Variants in CFTR observed in about 807,000 individuals in gnomAD.
CFTR encodes cystic fibrosis transmembrane conductance regulator.
A neutral mutation model predicts 171.6 loss-of-function variants in CFTR; 181 were observed. The ratio of observed to expected loss-of-function variants is 1.05; its 90% confidence interval spans 0.93 to 1.19. The LOEUF is 1.19. Ranked by LOEUF, CFTR falls within the 50% of genes most tolerant of loss-of-function variation. CFTR has a pLI of 0.00. For missense variants in CFTR, 1,968 were observed against 1,734.7 expected, an observed-to-expected ratio of 1.13 and a Z score of -2.39; for synonymous variants, 583 against 608.0, an observed-to-expected ratio of 0.96 and a Z score of 0.60.
intron 21 of CFTR, among the ~76,000 whole-genome samples, chr7:117,626,524 T>C (rs989427785): frequency 6.6e-6 from 1 of 152,104 alleles, no homozygotes; most frequent in African/African-American, 2.4e-5. Context: ...AGCAGTAAAA[T>C]TGTGTCTAAT....
At chr7:117,535,525 ATTTTTTTTTTTT>A in intron 6 of CFTR, 114 bp downstream of exon 6, 2 of 499,760 alleles carry the variant, frequency 4.0e-6, no homozygotes, top group Non-Finnish European at 3.4e-6. Context: ...GTGTCATTAA[ATTTTTTTTTTTT>A]TTTTTTTTTT....
At chr7:117,599,004 G>A (rs1792180059) in intron 15 of CFTR, among the ~76,000 whole-genome samples, 1 of 151,910 alleles carries the variant, frequency 6.6e-6, no homozygotes, top group Non-Finnish European at 1.5e-5. Flanking sequence ...AGGTGAACAA[G>A]TTCATAACAG....
intron 3 of CFTR, among the ~76,000 whole-genome samples, chr7:117,521,738 ACAAC>A (rs1798689254): frequency 6.6e-6 from 1 of 152,192 alleles, no homozygotes. Flanking sequence ...CTACTTAGAA[ACAAC>A]CCTGCTTTGG....
chr7:117,492,726 C>T (rs185876017), intron 1 of CFTR, among the ~76,000 whole-genome samples: 2 of 151,870 alleles, frequency 1.3e-5, no homozygotes, highest in East Asian at 1.9e-4. Flanking sequence ...AAACATGGGG[C>T]GTTGGCAGAC....
rs919906550 is a variant in CFTR, at chr7:117,616,043, A to C, written c.3468+1330A>C. Among the ~76,000 whole-genome samples, 4 of 152,088 alleles carry C rather than the reference A, an allele frequency of 2.6e-5. No homozygotes were observed. In the East Asian group the frequency reaches 7.7e-4, roughly 29 times the overall value. ...CCAAACCACACACATTTATTCAGCT[A>C]TAAAATTTGTATGATCAACTCCTGT... On this transcript the variant is annotated intron_variant, in intron 21 of 26. Transcript: ENST00000003084.
intron 21 of CFTR, among the ~76,000 whole-genome samples, chr7:117,615,838 T>C (rs1355659107): frequency 6.6e-6 from 1 of 152,048 alleles, no homozygotes; most frequent in Non-Finnish European, 1.5e-5. Context: ...AGCTTCATCA[T>C]TGAATTTTTA....
At chr7:117,659,974 C>A (rs1373402267) in intron 24 of CFTR, among the ~76,000 whole-genome samples, 1 of 151,798 alleles carries the variant, frequency 6.6e-6, no homozygotes, top group African/African-American at 2.4e-5. Context: ...TAATAACATT[C>A]CAGAATACAG....
At chr7:117,645,016 G>A (rs10156138) in intron 23 of CFTR, among the ~76,000 whole-genome samples, 2,169 of 152,298 alleles carry the variant, frequency 0.014, 36 homozygotes, top group African/African-American at 0.031. Context: ...TTTGAAAGGT[G>A]ACAAACTATT....
At chr7:117,563,092 G>A (rs1038592686) in intron 11 of CFTR, among the ~76,000 whole-genome samples, 1 of 152,126 alleles carries the variant, frequency 6.6e-6, no homozygotes, top group African/African-American at 2.4e-5. Flanking sequence ...AATTAAGGTG[G>A]ACGTGATTAG....
intron 18 of CFTR, among the ~76,000 whole-genome samples, chr7:117,607,100 C>G (rs1012754639): frequency 6.6e-6 from 1 of 152,020 alleles, no homozygotes; most frequent in Non-Finnish European, 1.5e-5. Context: ...AAGCCAACCT[C>G]CCCCCAAAAG....
intron 11 of CFTR, among the ~76,000 whole-genome samples, chr7:117,562,553 A>G (rs549506079): frequency 1.3e-5 from 2 of 152,286 alleles, no homozygotes; most frequent in East Asian, 3.9e-4. Context: ...TTGGGAAGTG[A>G]TTCCACTTTA....
chr7:117,500,806 G>A (rs926556870), intron 1 of CFTR, among the ~76,000 whole-genome samples: 8 of 152,074 alleles, frequency 5.3e-5, no homozygotes, highest in African/African-American at 1.9e-4. Flanking sequence ...AATTATAGAT[G>A]GTGAACTTAA....
rs747515655 is a variant in CFTR at position 117,536,658 on chromosome 7, T to C, written c.854T>C (p.Ile285Thr). 4 of 1,611,556 alleles carry C rather than the reference T, an allele frequency of 2.5e-6. No individual in the cohort carries two copies. The highest frequency in any genetic ancestry group is 2.2e-5 in the South Asian group (2 of 91,006). Residue 285 changes from isoleucine (I) to threonine (T), a missense_variant, in exon 7 of 27, where the codon ATT becomes ACT. Ile to Thr is a moderately conservative substitution (Grantham distance 89). Coordinates refer to ENST00000003084, the MANE Select transcript of CFTR (RefSeq NM_000492.4). ...TGGGAAGAAGCAATGGAAAAAATGA[T>C]TGAAAACTTAAGACAGTAAGTTGTT... Reference protein sequence around the residue: ...YCWEEAMEKMIENLRQTELKL... With the variant: ...YCWEEAMEKMTENLRQTELKL...
intron 21 of CFTR, among the ~76,000 whole-genome samples, chr7:117,616,775 C>T (rs1792498599): frequency 6.6e-6 from 1 of 151,986 alleles, no homozygotes; most frequent in Non-Finnish European, 1.5e-5. Flanking sequence ...TGCATTTGAT[C>T]ACATTTAAAA....
At chr7:117,503,708 A>T (rs1005113940) in intron 1 of CFTR, among the ~76,000 whole-genome samples, 1 of 152,216 alleles carries the variant, frequency 6.6e-6, no homozygotes, top group African/African-American at 2.4e-5. Flanking sequence ...TTCAGACATG[A>T]TAATTAAGTC....
chr7:117,586,772 G>T (rs1030163001), intron 11 of CFTR, among the ~76,000 whole-genome samples: 9 of 151,630 alleles, frequency 5.9e-5, no homozygotes, highest in Non-Finnish European at 1.2e-4. Flanking sequence ...AAGGGAGAGA[G>T]ACTTTTTTTT....
chr7:117,598,613 C>T (rs1461198618), intron 15 of CFTR, among the ~76,000 whole-genome samples: 2 of 152,138 alleles, frequency 1.3e-5, no homozygotes, highest in Non-Finnish European at 2.9e-5. Flanking sequence ...ACCAATAAAC[C>T]ATTTGTTTCC....
At chr7:117,572,381 A>G (rs1436008920) in intron 11 of CFTR, among the ~76,000 whole-genome samples, 6 of 152,136 alleles carry the variant, frequency 3.9e-5, no homozygotes, top group Non-Finnish European at 7.3e-5. Flanking sequence ...CAATATTTCT[A>G]TATACAGTTA....
At chr7:117,571,270 G>T (rs997023071) in intron 11 of CFTR, among the ~76,000 whole-genome samples, 2 of 152,102 alleles carry the variant, frequency 1.3e-5, no homozygotes, top group African/African-American at 4.8e-5. Flanking sequence ...TACTTACCAG[G>T]GAGCTGGAAA....
Sources: allele counts gnomAD v4.1 joint callset (sites outside exome capture counted in the v4.1 genomes callset), GRCh38; gene constraint gnomAD v4.1.1; transcripts MANE v1.5; gene names NCBI Gene and HGNC (gene_info 2026-07-23, HGNC 2026-07-21).